Variants in CNTRL observed in about 807,000 individuals in gnomAD.
The protein encoded by CNTRL is 110 kDa centrosomal protein.
Under a neutral mutation model 303.7 loss-of-function variants are expected in CNTRL, and 233 were observed. The observed-to-expected ratio is 0.77, with a 90% CI of 0.69 to 0.86. The LOEUF is 0.86. Among genes scored for constraint, CNTRL ranks in the 40% least tolerant of loss-of-function variants. CNTRL has a pLI of 0.00. For synonymous variants in CNTRL, 900 were observed against 922.2 expected, an observed-to-expected ratio of 0.98 and a Z score of 0.44; for missense variants, 2,524 against 2,650.6, an observed-to-expected ratio of 0.95 and a Z score of 1.05.
Position 121,074,973 on chromosome 9 carries a change from A to G in CNTRL, c.-299A>G. 2.2e-6 allele frequency: 1 copy of G among 455,908 alleles called. No individual in the cohort carries two copies. The highest frequency in any genetic ancestry group is 4.4e-6 in the Non-Finnish European group (1 of 226,744). 28.2% of individuals were successfully genotyped at this position (455,908 alleles called of 1,614,324 possible). ...CCTCGGCAACCGGCACAACACAACA[A>G]AATGGCTGCCGCGCCGCTGGGCCCC... On this transcript the variant is annotated 5_prime_UTR_variant, in exon 1 of 44. Coordinates refer to ENST00000373855, the MANE Select transcript of CNTRL (RefSeq NM_007018.6).
At chr9:121,131,814 G>T (rs1386677645) in intron 14 of CNTRL, among the ~76,000 whole-genome samples, 1 of 152,190 alleles carries the variant, frequency 6.6e-6, no homozygotes, top group Non-Finnish European at 1.5e-5. Flanking sequence ...AGGAGCTCTT[G>T]TAAGGCAGGC....
chr9:121,085,346 C>A, intron 2 of CNTRL, among the ~76,000 whole-genome samples: 1 of 152,028 alleles, frequency 6.6e-6, no homozygotes, highest in East Asian at 1.9e-4. Context: ...GTGTTCACTG[C>A]ATAGAAATTC....
At chr9:121,104,496 T>G (rs900145666) in intron 7 of CNTRL, among the ~76,000 whole-genome samples, 2 of 151,938 alleles carry the variant, frequency 1.3e-5, no homozygotes, top group Non-Finnish European at 2.9e-5. Flanking sequence ...GTTGTGCACA[T>G]GTACCCTAGA....
chr9:121,169,890 C>A, intron 39 of CNTRL, 74 bp downstream of exon 39: 2 of 1,204,966 alleles, frequency 1.7e-6, no homozygotes, highest in Non-Finnish European at 1.2e-6. Context: ...ACCACTTCAA[C>A]ACAGAGAAAA....
Position 121,142,091 on chromosome 9 carries a change from A to T in CNTRL, c.2692A>T (p.Met898Leu). 1 of 1,573,238 alleles carries T rather than the reference A, an allele frequency of 6.4e-7. No homozygotes were observed. The highest frequency in any genetic ancestry group is 8.6e-7 in the Non-Finnish European group (1 of 1,162,976). Residue 898 changes from methionine (M) to leucine (L), a missense_variant and splice_region_variant, in exon 19 of 44, where the codon ATG (methionine) becomes TTG (leucine). By Grantham distance (15) the Met-to-Leu change is conservative. Coordinates refer to ENST00000373855, the MANE Select transcript of CNTRL (RefSeq NM_007018.6). Reference sequence around the variant, plus strand: ...TTCTTGAAATTGTATTTCTTCACAGATGAATTTTGATAAGAGGCAACATGA... The same window carrying T: ...TTCTTGAAATTGTATTTCTTCACAGTTGAATTTTGATAAGAGGCAACATGA... The part of the protein sequence containing the change: ...QACERALEAR[M>L]NFDKRQHEAR...
rs949499576 is a variant in CNTRL at position 121,098,583 on chromosome 9, A to G, written c.808+11A>G. 1 of 1,536,934 alleles carries G rather than the reference A, an allele frequency of 6.5e-7. No homozygotes were observed. Among genetic ancestry groups the G allele is most frequent in the Non-Finnish European group, 8.8e-7 (1 of 1,138,464 alleles). On this transcript the variant is annotated intron_variant, in intron 7 of 43. Coordinates refer to ENST00000373855, the MANE Select transcript of CNTRL (RefSeq NM_007018.6). ...AGAGATTCAGTTTAGGTAAGATTAA[A>G]TTTAAAAAATAATAAATTTGGGTGA...
intron 40 of CNTRL, among the ~76,000 whole-genome samples, chr9:121,171,877 A>C (rs1470181738): frequency 1.3e-5 from 2 of 152,086 alleles, no homozygotes; most frequent in Non-Finnish European, 2.9e-5. Context: ...AGGAGCCAAA[A>C]CCTCCCCTAC....
At chr9:121,101,578 C>CA (rs1343510238) in intron 7 of CNTRL, among the ~76,000 whole-genome samples, 2 of 152,012 alleles carry the variant, frequency 1.3e-5, no homozygotes, top group East Asian at 1.9e-4. Flanking sequence ...GATAGAGCCA[C>CA]AAAAAACCCT....
chr9:121,166,881 C>A (rs968841282), intron 36 of CNTRL, among the ~76,000 whole-genome samples: 1 of 151,870 alleles, frequency 6.6e-6, no homozygotes, highest in South Asian at 2.1e-4. Flanking sequence ...ATTAGCCAGG[C>A]GTGGTGGCAC....
intron 23 of CNTRL, among the ~76,000 whole-genome samples, chr9:121,146,851 G>C (rs1294832710): frequency 1.3e-5 from 2 of 152,234 alleles, no homozygotes; most frequent in Non-Finnish European, 2.9e-5. Context: ...CACTTAGCAA[G>C]CAGTGAGCGT....
chr9:121,167,983 C>A, intron 37 of CNTRL, 113 bp from the exon 38 acceptor site: 2 of 896,494 alleles, frequency 2.2e-6, no homozygotes, highest in Non-Finnish European at 3.4e-6. Flanking sequence ...ATGGAATTGT[C>A]CCTGTGGGCT....
In CNTRL at chr9:121,125,721, A is replaced by T; in HGVS notation, c.1810A>T (p.Ile604Leu). ...CCTTTTTGCATCTTGCTTAGGCCAG[A>T]TAGCAGCAAATGAAGCCCTGAAGAA... ...DLEEQLTEGQIAANEALKKDL... is the reference protein window; with the variant it reads ...DLEEQLTEGQLAANEALKKDL... Residue 604 changes from isoleucine (I) to leucine (L), a missense_variant, in exon 14 of 44, where the codon ATA becomes TTA. Transcript: ENST00000373855. 7 of 1,614,088 alleles carry T rather than the reference A, an allele frequency of 4.3e-6. No individual in the cohort carries two copies. The highest frequency in any genetic ancestry group is 5.9e-6 in the Non-Finnish European group (7 of 1,179,938).
intron 30 of CNTRL, 136 bp from the exon 31 acceptor site, chr9:121,158,719 C>G: frequency 1.2e-6 from 1 of 819,680 alleles, no homozygotes; most frequent in Non-Finnish European, 2.0e-6. Context: ...CCCTTGCACT[C>G]CTTGCCTGGC....
chr9:121,150,694 T>G, intron 25 of CNTRL: 1 of 542,390 alleles, frequency 1.8e-6, no homozygotes, highest in Non-Finnish European at 3.2e-6. Context: ...CTCAGGAGAC[T>G]GAGACAAGAG....
chr9:121,114,139 G>A (rs535036705), intron 10 of CNTRL, among the ~76,000 whole-genome samples: 3 of 152,340 alleles, frequency 2.0e-5, no homozygotes, highest in Admixed American at 6.5e-5. Flanking sequence ...GGCCTGGGCC[G>A]AAGGCTAGCC....
At chr9:121,092,820 T>A (rs202065696) in intron 4 of CNTRL, among the ~76,000 whole-genome samples, 1,837 of 68,776 alleles carry the variant, frequency 0.027, 398 homozygotes, top group African/African-American at 0.059. Context: ...TATATATATT[T>A]TTTTTTTTTT....
intron 43 of CNTRL, 113 bp downstream of exon 43, chr9:121,175,337 G>T: frequency 2.2e-6 from 2 of 891,412 alleles, no homozygotes; most frequent in East Asian, 2.7e-5. Context: ...TACCATCACA[G>T]CTCACTGCAG....
chr9:121,169,865 A>AT, intron 39 of CNTRL, 49 bp downstream of exon 39: 1 of 1,477,904 alleles, frequency 6.8e-7, no homozygotes, highest in Non-Finnish European at 9.4e-7. Flanking sequence ...TAAATTTAAA[A>AT]TTTTAAACTG....
At chr9:121,103,487 G>A (rs892744590) in intron 7 of CNTRL, among the ~76,000 whole-genome samples, 1 of 152,158 alleles carries the variant, frequency 6.6e-6, no homozygotes, top group African/African-American at 2.4e-5. Context: ...ACATAGGCAT[G>A]GGCAAGGACT....
Sources: gnomAD v4.1 joint callset for allele counts (sites outside exome capture counted in the v4.1 genomes callset) on GRCh38, gnomAD v4.1.1 for gene constraint, MANE v1.5 for transcripts, NCBI Gene and HGNC (gene_info 2026-07-23, HGNC 2026-07-21) for gene names.